SYNE1: variants seen among roughly 807,000 people sequenced by gnomAD.
SYNE1 encodes spectrin repeat containing nuclear envelope protein 1.
A neutral mutation model predicts 1,111.0 loss-of-function variants in SYNE1; 616 were observed. The ratio of observed to expected loss-of-function variants is 0.55; its 90% CI spans 0.52 to 0.59. The LOEUF is 0.59. Among genes scored for constraint, SYNE1 ranks in the 20% least tolerant of loss-of-function variants. SYNE1 has a pLI of 0.00. For synonymous variants in SYNE1, 3,855 were observed against 3,825.8 expected, an observed-to-expected ratio of 1.01 and a Z score of -0.28; for missense variants, 10,006 against 10,417.0, an observed-to-expected ratio of 0.96 and a Z score of 1.72.
At chr6:152,456,678 A>G (rs2154259045) in intron 22 of SYNE1, 3 of 446,006 alleles carry the variant, frequency 6.7e-6, no homozygotes, top group African/African-American at 4.0e-5. Flanking sequence ...AGACACCTCC[A>G]CCTCTGACTT....
Position 152,416,606 on chromosome 6 carries a change from T to C in SYNE1, c.5831A>G (p.Gln1944Arg), listed in dbSNP as rs1483236627. The C allele has an allele frequency of 1.9e-6, 3 of 1,614,010 alleles. No individual in the cohort carries two copies. Among genetic ancestry groups the C allele is most frequent in the Non-Finnish European group, 1.7e-6 (2 of 1,180,022 alleles). Reference sequence around the variant, plus strand: ...AGCCGTGGCTCTGCAGGAAGTCCTTTGCTCAGAGCTCCCGATTTTCAGATG... The same window carrying C: ...AGCCGTGGCTCTGCAGGAAGTCCTTCGCTCAGAGCTCCCGATTTTCAGATG... ...QYHLKIGSSEQRTSCRATADQ... is the reference protein window; with the variant it reads ...QYHLKIGSSERRTSCRATADQ... Residue 1944 changes from glutamine to arginine, a missense_variant, in exon 41 of 146, where the codon CAA (glutamine) becomes CGA (arginine). Transcript: ENST00000367255.
chr6:152,262,481 C>A (rs888179043), intron 100 of SYNE1, among the ~76,000 whole-genome samples: 1 of 152,128 alleles, frequency 6.6e-6, no homozygotes, highest in South Asian at 2.1e-4. Flanking sequence ...TATCCTTTGG[C>A]AAATAGCAGA....
intron 91 of SYNE1, among the ~76,000 whole-genome samples, chr6:152,306,442 C>A (rs1003825450): frequency 6.6e-6 from 1 of 151,376 alleles, no homozygotes; most frequent in African/African-American, 2.4e-5. Context: ...GCCAAGATTG[C>A]ACCACTGCAC....
At chr6:152,263,857 A>G (rs2092379130) in intron 100 of SYNE1, among the ~76,000 whole-genome samples, 1 of 152,116 alleles carries the variant, frequency 6.6e-6, no homozygotes, top group Non-Finnish European at 1.5e-5. Flanking sequence ...AATGAAAGAG[A>G]ATACATGCAT....
At chr6:152,469,332 T>C (rs2098791434) in intron 16 of SYNE1, among the ~76,000 whole-genome samples, 1 of 152,066 alleles carries the variant, frequency 6.6e-6, no homozygotes, top group African/African-American at 2.4e-5. Context: ...ATTATTATTA[T>C]CATCATCATT....
rs902851950 is a variant in SYNE1 at position 152,176,512 on chromosome 6, G to A, written c.23509C>T (p.Gln7837Ter). Residue 7837 changes from glutamine (Q) to a stop codon, truncating the protein, a stop_gained, in exon 130 of 146, where the codon CAA becomes TAA. Coordinates refer to ENST00000367255, the MANE Select transcript of SYNE1 (RefSeq NM_182961.4). LOFTEE classifies it high-confidence loss of function. ...TTAGCAAGTCGTTCTCCCATTTGTT[G>A]GAGCTGTATTTTGTTCTCTTGAGCA... Reference protein sequence around the residue: ...AIAQENKIQLQQMGERLAKAS... With the variant: ...AIAQENKIQL 6.2e-7 allele frequency: 1 copy of A among 1,612,174 alleles called. No individual in the cohort carries two copies. Among genetic ancestry groups the A allele is most frequent in the African/African-American group, 1.3e-5 (1 of 74,780 alleles).
At chr6:152,333,339 A>G (rs907008367) in intron 77 of SYNE1, among the ~76,000 whole-genome samples, 7 of 152,228 alleles carry the variant, frequency 4.6e-5, no homozygotes, top group African/African-American at 1.7e-4. Context: ...TCATTACCTT[A>G]TAGACTTGAT....
chr6:152,295,857 C>T (rs964618806), intron 93 of SYNE1, among the ~76,000 whole-genome samples: 1 of 152,194 alleles, frequency 6.6e-6, no homozygotes, highest in Non-Finnish European at 1.5e-5. Context: ...GCTTTGTTGA[C>T]TTTCTCTCTT....
At chr6:152,139,319 C>T (rs927929572) in intron 140 of SYNE1, among the ~76,000 whole-genome samples, 3 of 151,916 alleles carry the variant, frequency 2.0e-5, no homozygotes, top group African/African-American at 4.8e-5. Context: ...GCCTGTAATC[C>T]CAACACTTTG....
chr6:152,240,552 G>T (rs926102211), intron 107 of SYNE1, among the ~76,000 whole-genome samples: 2 of 152,200 alleles, frequency 1.3e-5, no homozygotes, highest in East Asian at 3.9e-4. Flanking sequence ...GGAGAATGGA[G>T]ATTGAGCTTA....
chr6:152,526,908 G>A (rs2099166242), intron 4 of SYNE1, among the ~76,000 whole-genome samples: 1 of 152,052 alleles, frequency 6.6e-6, no homozygotes, highest in Non-Finnish European at 1.5e-5. Context: ...TTTTTATGAA[G>A]GTTATTAAAA....
At position 152,484,962 on chromosome 6, in the gene SYNE1, T is replaced by A; in HGVS notation, c.1058A>T (p.His353Leu). Residue 353 changes from histidine (H) to leucine (L), a missense_variant, in exon 13 of 146, where the codon CAC becomes CTC. Physicochemically the swap from His to Leu is moderately conservative, Grantham distance 99. This residue lies in a region of SYNE1 where 1,971 missense variants were observed against 2,084.1 expected (regional missense o/e 0.95). Transcript: ENST00000367255. ...CTTCATTTCATATTGAACTCTGAAG[T>A]GCTTAAATGACTAAAAGAGGAAAAA... Reference protein sequence around the residue: ...NLQDKYQSFKHFRVQYEMKRK... With the variant: ...NLQDKYQSFKLFRVQYEMKRK... The A allele has an allele frequency of 6.2e-7, 1 of 1,612,064 alleles. No individual in the cohort carries two copies. Among genetic ancestry groups the A allele is most frequent in the African/African-American group, 1.3e-5 (1 of 75,016 alleles).
intron 14 of SYNE1, among the ~76,000 whole-genome samples, chr6:152,473,717 A>C (rs1455245614): frequency 6.6e-6 from 1 of 151,674 alleles, no homozygotes; most frequent in Non-Finnish European, 1.5e-5. Context: ...CCTTTACCAC[A>C]CACAGACACA....
chr6:152,317,562 G>A (rs1034606053), intron 86 of SYNE1, among the ~76,000 whole-genome samples: 11 of 152,306 alleles, frequency 7.2e-5, no homozygotes, highest in African/African-American at 2.2e-4. Flanking sequence ...GAGGTGGCAA[G>A]TGGGGATTCT....
chr6:152,351,629 C>T (rs2096742264), intron 70 of SYNE1, among the ~76,000 whole-genome samples: 1 of 151,976 alleles, frequency 6.6e-6, no homozygotes, highest in Non-Finnish European at 1.5e-5. Flanking sequence ...TTCAATTTAC[C>T]ATAGGTCAGT....
chr6:152,605,542 G>A (rs747726010), intron 3 of SYNE1, among the ~76,000 whole-genome samples: 2 of 152,146 alleles, frequency 1.3e-5, no homozygotes, highest in Non-Finnish European at 2.9e-5. Context: ...ACATTAATAT[G>A]TGGCTGATTG....
chr6:152,152,278 G>A (rs757534361), intron 133 of SYNE1, 137 bp from the exon 134 acceptor site: 5 of 787,740 alleles, frequency 6.3e-6, no homozygotes, highest in Non-Finnish European at 8.6e-6. Flanking sequence ...GTCTAATAAC[G>A]GTACACTTCC....
intron 11 of SYNE1, among the ~76,000 whole-genome samples, chr6:152,491,661 C>A (rs919452226): frequency 6.6e-6 from 1 of 152,170 alleles, no homozygotes; most frequent in African/African-American, 2.4e-5. Context: ...GAAAAATGTG[C>A]AAATGGTCTG....
rs529206804 is a variant in SYNE1 at position 152,441,651 on chromosome 6, T to C, written c.4009-381A>G. ...GGGACAAGGAGATGAAGAGAGAGCA[T>C]TAAGCAGTTGGCAAAAACTCAGAAA... On this transcript the variant is annotated intron_variant, in intron 31 of 145. Coordinates refer to ENST00000367255, the MANE Select transcript of SYNE1 (RefSeq NM_182961.4). Among the ~76,000 whole-genome samples, 5 of 152,286 alleles carry C rather than the reference T, an allele frequency of 3.3e-5. No homozygotes were observed. The East Asian group carries it at 9.6e-4, about 29-fold the overall frequency.
Sources: allele counts gnomAD v4.1 joint callset (sites outside exome capture counted in the v4.1 genomes callset), GRCh38; gene constraint gnomAD v4.1.1; regional missense constraint gnomAD v4.1.1; transcripts MANE v1.5; gene names NCBI Gene and HGNC (gene_info 2026-07-23, HGNC 2026-07-21).